The following NALF1 variants were observed in gnomAD, a reference collection of about 807,000 sequenced individuals.
NALF1 encodes the protein NALCN channel auxiliary factor 1.
NALF1 carries 3 observed loss-of-function variants against 48.4 expected under a neutral mutation model. The ratio of observed to expected loss-of-function variants is 0.06; its 90% CI spans 0.03 to 0.16. NALF1 has a LOEUF of 0.16. Among genes scored for constraint, NALF1 ranks in the 10% least tolerant of loss-of-function variants. The pLI is 1.00. For missense variants in NALF1, 526 were observed against 571.5 expected (o/e 0.92, Z 0.81); for synonymous variants, 262 against 245.7 (o/e 1.07, Z -0.62).
At chr13:107,590,835 C>A (rs1267261377) in intron 1 of NALF1, among the ~76,000 whole-genome samples, 3 of 152,030 alleles carry the variant, frequency 2.0e-5, no homozygotes, top group Middle Eastern at 3.4e-3. Flanking sequence ...GACTCTCCTG[C>A]TCAATCATCA....
chr13:107,390,586 C>T (rs1425637456), intron 1 of NALF1, among the ~76,000 whole-genome samples: 1 of 151,718 alleles, frequency 6.6e-6, no homozygotes, highest in Non-Finnish European at 1.5e-5. Context: ...ATCTCAAAAA[C>T]AAAAAACAAA....
At chr13:107,196,729 C>T (rs1594064979) in intron 2 of NALF1, among the ~76,000 whole-genome samples, 1 of 151,934 alleles carries the variant, frequency 6.6e-6, no homozygotes. Context: ...TGCAAAGTAG[C>T]AAATATGGAG....
At chr13:107,191,739 T>C (rs1879285363) in intron 2 of NALF1, among the ~76,000 whole-genome samples, 1 of 151,740 alleles carries the variant, frequency 6.6e-6, no homozygotes, top group Admixed American at 6.6e-5. Context: ...TGGTGCACTG[T>C]TGGCTCACTG....
intron 2 of NALF1, among the ~76,000 whole-genome samples, chr13:107,186,968 T>C (rs920544533): frequency 1.3e-5 from 2 of 152,142 alleles, no homozygotes; most frequent in Non-Finnish European, 2.9e-5. Context: ...TGTCGGCCAT[T>C]GGTTGGAAAT....
intron 1 of NALF1, among the ~76,000 whole-genome samples, chr13:107,463,988 G>A (rs1237787177): frequency 6.6e-6 from 1 of 152,108 alleles, no homozygotes; most frequent in Non-Finnish European, 1.5e-5. Flanking sequence ...TAAGAATGAA[G>A]GGCTATCCAC....
intron 1 of NALF1, among the ~76,000 whole-genome samples, chr13:107,469,490 A>G (rs144016314): frequency 6.6e-6 from 1 of 152,138 alleles, no homozygotes; most frequent in Admixed American, 6.5e-5. Flanking sequence ...CTTGGTACCA[A>G]CATCTGTGGA....
intron 1 of NALF1, among the ~76,000 whole-genome samples, chr13:107,647,559 AATAAC>A (rs1474788871): frequency 5.3e-5 from 8 of 152,154 alleles, no homozygotes; most frequent in African/African-American, 1.2e-4. Context: ...ATGAAACCTT[AATAAC>A]ATAAGATGCT....
chr13:107,277,624 T>C (rs1339134195), intron 1 of NALF1, among the ~76,000 whole-genome samples: 1 of 152,232 alleles, frequency 6.6e-6, no homozygotes, highest in African/African-American at 2.4e-5. Context: ...AAGGGTTTTC[T>C]AAGGCCAATG....
At chr13:107,443,003 TAAAATA>T (rs934295830) in intron 1 of NALF1, among the ~76,000 whole-genome samples, 35 of 152,272 alleles carry the variant, frequency 2.3e-4, no homozygotes, top group Admixed American at 6.5e-4. Flanking sequence ...AAAAATGTTT[TAAAATA>T]AAAGTTACTG....
At chr13:107,450,989 C>T (rs1594069938) in intron 1 of NALF1, among the ~76,000 whole-genome samples, 1 of 152,300 alleles carries the variant, frequency 6.6e-6, no homozygotes, top group South Asian at 2.1e-4. Flanking sequence ...GGAAATAACA[C>T]TGGATTTCAC....
intron 1 of NALF1, among the ~76,000 whole-genome samples, chr13:107,456,051 GC>G (rs898535693): frequency 6.6e-6 from 1 of 152,136 alleles, no homozygotes; most frequent in African/African-American, 2.4e-5. Context: ...AAGAACAACT[GC>G]TAGATTGTAT....
intron 1 of NALF1, among the ~76,000 whole-genome samples, chr13:107,636,148 A>G (rs1879971047): frequency 6.6e-6 from 1 of 152,074 alleles, no homozygotes; most frequent in Non-Finnish European, 1.5e-5. Flanking sequence ...ATCTGCACCA[A>G]AAGAAGCATG....
intron 2 of NALF1, among the ~76,000 whole-genome samples, chr13:107,203,819 G>A (rs933520073): frequency 6.6e-6 from 1 of 152,210 alleles, no homozygotes; most frequent in Non-Finnish European, 1.5e-5. Context: ...GACCAGGCAA[G>A]GTGTAGCAAT....
At chr13:107,406,027 T>A (rs1883892117) in intron 1 of NALF1, among the ~76,000 whole-genome samples, 1 of 152,058 alleles carries the variant, frequency 6.6e-6, no homozygotes, top group African/African-American at 2.4e-5. Context: ...GTGGTGCCTA[T>A]CTCTCAGACG....
intron 1 of NALF1, among the ~76,000 whole-genome samples, chr13:107,403,199 T>A (rs1203493083): frequency 7.2e-6 from 1 of 138,390 alleles, no homozygotes; most frequent in African/African-American, 2.6e-5. Context: ...TTTTTTTTTT[T>A]TTTTTTTTTT....
At chr13:107,710,132 A>G in intron 1 of NALF1, among the ~76,000 whole-genome samples, 1 of 152,132 alleles carries the variant, frequency 6.6e-6, no homozygotes, top group East Asian at 1.9e-4. Flanking sequence ...AAAATACAAG[A>G]AAAGAAAAGA....
Position 107,840,478 on chromosome 13 carries a change from CCTGAA to C in NALF1, c.915+25199_915+25203del, listed in dbSNP as rs573023422. On this transcript the variant is annotated intron_variant, in intron 1 of 2. Coordinates refer to ENST00000375915, the MANE Select transcript of NALF1 (RefSeq NM_001080396.3). ...AAGGTTCAAGGTGTCTGCTGGAGCT[CCTGAA>C]CATTACACTTGCATTTCAGGTGGCA... Among the ~76,000 whole-genome samples, 20 of 152,262 alleles carry C rather than the reference CCTGAA, an allele frequency of 1.3e-4. No homozygotes were observed. In the East Asian group the frequency reaches 2.9e-3, roughly 22 times the overall value.
At chr13:107,232,476 C>T (rs2138826262) in intron 1 of NALF1, among the ~76,000 whole-genome samples, 1 of 152,244 alleles carries the variant, frequency 6.6e-6, no homozygotes, top group South Asian at 2.1e-4. Flanking sequence ...TTCTCCTTAA[C>T]CAACTGACCT....
intron 1 of NALF1, among the ~76,000 whole-genome samples, chr13:107,813,311 G>C (rs1879055508): frequency 6.6e-6 from 1 of 152,134 alleles, no homozygotes; most frequent in Non-Finnish European, 1.5e-5. Flanking sequence ...CAGCATTATA[G>C]GTCTTGAAGG....
Sources: allele counts gnomAD v4.1 joint callset (sites outside exome capture counted in the v4.1 genomes callset), GRCh38; gene constraint gnomAD v4.1.1; transcripts MANE v1.5; gene names NCBI Gene and HGNC (gene_info 2026-07-23, HGNC 2026-07-21).